Variants in DSCAM observed in about 807,000 individuals in gnomAD.
DSCAM encodes the protein cell adhesion molecule DSCAM.
Under a neutral mutation model 217.7 loss-of-function variants are expected in DSCAM, and 47 were observed. The observed-to-expected ratio is 0.22, with a 90% CI of 0.17 to 0.28. The LOEUF (loss-of-function observed/expected upper bound fraction) is 0.28. Among genes scored for constraint, DSCAM ranks in the 10% least tolerant of loss-of-function variants. The probability of loss-of-function intolerance (pLI) is 1.00; values close to 1 mark genes in which losing one functional copy is unlikely to be tolerated. For synonymous variants in DSCAM, 1,056 were observed against 1,015.3 expected (o/e 1.04, Z -0.76); for missense variants, 2,080 against 2,618.3 (o/e 0.79, Z 4.49).
At chr21:40,499,190 A>G (rs1372532001) in intron 3 of DSCAM, among the ~76,000 whole-genome samples, 1 of 152,190 alleles carries the variant, frequency 6.6e-6, no homozygotes, top group African/African-American at 2.4e-5. Flanking sequence ...AAGATTGAAA[A>G]GATTACTACT....
chr21:40,249,730 G>A (rs1053396558), intron 11 of DSCAM, among the ~76,000 whole-genome samples: 2 of 152,104 alleles, frequency 1.3e-5, no homozygotes, highest in Non-Finnish European at 2.9e-5. Context: ...CTGGTATGCT[G>A]GGAGTTAAGC....
chr21:40,304,408 T>C (rs2074049393), intron 9 of DSCAM, among the ~76,000 whole-genome samples: 1 of 152,270 alleles, frequency 6.6e-6, no homozygotes, highest in Non-Finnish European at 1.5e-5. Flanking sequence ...ATCCATACTA[T>C]TTAAACGTTC....
At chr21:40,191,583 T>C (rs1463168250) in intron 11 of DSCAM, among the ~76,000 whole-genome samples, 1 of 152,212 alleles carries the variant, frequency 6.6e-6, no homozygotes, top group East Asian at 1.9e-4. Flanking sequence ...AGTGTGCAAT[T>C]CAGTTGTACA....
At chr21:40,642,460 C>T (rs2089894491) in intron 3 of DSCAM, among the ~76,000 whole-genome samples, 1 of 152,170 alleles carries the variant, frequency 6.6e-6, no homozygotes, top group South Asian at 2.1e-4. Context: ...CTAGAATCAC[C>T]TGGAGAGCTT....
chr21:40,029,828 C>T (rs1219933495), intron 32 of DSCAM, among the ~76,000 whole-genome samples: 1 of 151,762 alleles, frequency 6.6e-6, no homozygotes, highest in Non-Finnish European at 1.5e-5. Flanking sequence ...CCTATATCTC[C>T]CTCACTGCCT....
At chr21:40,447,032 C>A (rs1038345307) in intron 3 of DSCAM, among the ~76,000 whole-genome samples, 1 of 152,148 alleles carries the variant, frequency 6.6e-6, no homozygotes, top group African/African-American at 2.4e-5. Context: ...CCTTGTGTTC[C>A]TGTGCTGTGC....
chr21:40,213,969 C>T (rs1323273776), intron 11 of DSCAM, among the ~76,000 whole-genome samples: 1 of 152,218 alleles, frequency 6.6e-6, no homozygotes, highest in Non-Finnish European at 1.5e-5. Context: ...CTCAAATCCA[C>T]ACCTACATGG....
chr21:40,234,207 T>C (rs566853189), intron 11 of DSCAM, among the ~76,000 whole-genome samples: 49 of 152,322 alleles, frequency 3.2e-4, no homozygotes, highest in African/African-American at 1.2e-3. Context: ...GGTGCCTGGG[T>C]CAAGGTAAAT....
chr21:40,356,163 T>A (rs140584063), intron 4 of DSCAM, among the ~76,000 whole-genome samples: 1 of 152,102 alleles, frequency 6.6e-6, no homozygotes, highest in Non-Finnish European at 1.5e-5. Context: ...GATTGCTAGA[T>A]CATATGGTAG....
At chr21:40,188,896 C>T (rs1452447812) in intron 12 of DSCAM, 146 bp downstream of exon 12, 6 of 775,310 alleles carry the variant, frequency 7.7e-6, no homozygotes, top group Admixed American at 5.1e-5. Flanking sequence ...TCACTAATCT[C>T]GCTGTGTGAA....
intron 20 of DSCAM, among the ~76,000 whole-genome samples, chr21:40,097,969 AGAAAGAAAGAAAGAAAGAAAG>A (rs2089702692): frequency 1.5e-4 from 11 of 73,494 alleles, no homozygotes; most frequent in Admixed American, 1.6e-4. Context: ...AAAGAAAGAA[AGAAAGAAAGAAAGAAAGAAAG>A]AAAGAAAGAA....
chr21:40,143,131 A>G (rs1430126295), intron 17 of DSCAM, among the ~76,000 whole-genome samples: 1 of 152,192 alleles, frequency 6.6e-6, no homozygotes, highest in African/African-American at 2.4e-5. Context: ...CTGGCATATA[A>G]ATTGGAAGCT....
intron 3 of DSCAM, among the ~76,000 whole-genome samples, chr21:40,445,240 A>C (rs1156638079): frequency 6.6e-6 from 1 of 152,190 alleles, no homozygotes; most frequent in African/African-American, 2.4e-5. Context: ...AGGTTCCAAC[A>C]TATGAATTCT....
At chr21:40,205,666 G>A (rs1294454343) in intron 11 of DSCAM, among the ~76,000 whole-genome samples, 1 of 151,010 alleles carries the variant, frequency 6.6e-6, no homozygotes, top group Non-Finnish European at 1.5e-5. Flanking sequence ...ACAGCACAAG[G>A]TCCCAAGCTA....
chr21:40,026,580 G>T, intron 32 of DSCAM, among the ~76,000 whole-genome samples: 1 of 145,866 alleles, frequency 6.9e-6, no homozygotes, highest in African/African-American at 2.6e-5. Flanking sequence ...TATATATTTA[G>T]GATAGTTAGC....
rs185875203 is a variant in DSCAM at position 40,300,685 on chromosome 21, C to T, written c.2063-4511G>A. On this transcript the variant is annotated intron_variant, in intron 9 of 32. Coordinates refer to ENST00000400454, the MANE Select transcript of DSCAM (RefSeq NM_001389.5). ...TCTCTGCCTCTGCCTCAGTTTCCTC[C>T]GATCCAGTGGGGCAATTATGAGGCC... 2.5e-3 allele frequency among the ~76,000 whole-genome samples: 377 copies of T among 152,336 alleles called. 2 individuals carry two copies. The highest frequency in any genetic ancestry group is 8.6e-3 in the African/African-American group (358 of 41,580).
intron 11 of DSCAM, among the ~76,000 whole-genome samples, chr21:40,192,612 A>C (rs564737657): frequency 1.1e-3 from 164 of 152,344 alleles, no homozygotes; most frequent in African/African-American, 3.7e-3. Flanking sequence ...AGAACAGACT[A>C]ACACAATACC....
intron 11 of DSCAM, among the ~76,000 whole-genome samples, chr21:40,202,122 A>G (rs1216412303): frequency 6.6e-6 from 1 of 152,174 alleles, no homozygotes; most frequent in East Asian, 1.9e-4. Flanking sequence ...TGGCCTATGG[A>G]GAGGACCATG....
chr21:40,419,895 C>A (rs1218828009), intron 3 of DSCAM, among the ~76,000 whole-genome samples: 1 of 151,860 alleles, frequency 6.6e-6, no homozygotes, highest in Non-Finnish European at 1.5e-5. Context: ...CCCATAGATA[C>A]TTTTTTATTC....
Sources: allele counts gnomAD v4.1 joint callset (sites outside exome capture counted in the v4.1 genomes callset), GRCh38; gene constraint gnomAD v4.1.1; transcripts MANE v1.5; gene names NCBI Gene and HGNC (gene_info 2026-07-23, HGNC 2026-07-21).